Variants in FER observed in about 807,000 individuals in gnomAD.
FER encodes the protein tyrosine-protein kinase Fer.
FER carries 63 observed loss-of-function variants against 111.0 expected under a neutral mutation model. The ratio of observed to expected loss-of-function variants is 0.57; its 90% CI spans 0.46 to 0.70. FER has a LOEUF of 0.70. FER is among the 30% of genes least tolerant of loss of function. The pLI is 0.00. For missense variants in FER, 914 were observed against 954.0 expected (o/e 0.96, Z 0.55); for synonymous variants, 327 against 313.9 (o/e 1.04, Z -0.44).
intron 17 of FER, among the ~76,000 whole-genome samples, chr5:109,141,874 A>C (rs1753559626): frequency 6.6e-6 from 1 of 152,278 alleles, no homozygotes; most frequent in East Asian, 1.9e-4. Flanking sequence ...ATGCCAATGG[A>C]GTGTAGGTTT....
chr5:108,881,786 C>G (rs1030633437), intron 8 of FER, among the ~76,000 whole-genome samples: 33 of 151,964 alleles, frequency 2.2e-4, no homozygotes, highest in African/African-American at 7.7e-4. Flanking sequence ...TATAAGGGCT[C>G]TGATCCCATC....
At chr5:108,845,015 T>C (rs1375741901) in intron 5 of FER, among the ~76,000 whole-genome samples, 20 of 52,548 alleles carry the variant, frequency 3.8e-4, no homozygotes, top group South Asian at 2.0e-3. Flanking sequence ...TATATATATA[T>C]ATATATATAT....
intron 13 of FER, among the ~76,000 whole-genome samples, chr5:109,029,090 C>T (rs1408828700): frequency 6.6e-6 from 1 of 152,130 alleles, no homozygotes; most frequent in African/African-American, 2.4e-5. Flanking sequence ...CAAAGGTGGT[C>T]AAGAGTATAG....
chr5:109,184,413 TG>T (rs1276970535), intron 18 of FER, among the ~76,000 whole-genome samples: 43 of 152,280 alleles, frequency 2.8e-4, no homozygotes, highest in Admixed American at 6.5e-5. Flanking sequence ...GCTATACAAT[TG>T]TAAGTTACTC....
At chr5:109,068,045 A>G (rs1173842066) in intron 16 of FER, among the ~76,000 whole-genome samples, 1 of 152,188 alleles carries the variant, frequency 6.6e-6, no homozygotes, top group Non-Finnish European at 1.5e-5. Context: ...TGATACCTCT[A>G]TATAATTTCC....
At chr5:108,781,745 G>A (rs1754104801) in intron 2 of FER, among the ~76,000 whole-genome samples, 1 of 152,064 alleles carries the variant, frequency 6.6e-6, no homozygotes, top group Non-Finnish European at 1.5e-5. Context: ...TGGCTAGTAT[G>A]GGCTGCAATT....
At chr5:108,837,131 G>A (rs1760750177) in intron 5 of FER, among the ~76,000 whole-genome samples, 1 of 152,116 alleles carries the variant, frequency 6.6e-6, no homozygotes. Flanking sequence ...AGAGAGTCCT[G>A]GATTTAAGTT....
intron 2 of FER, chr5:108,785,091 C>G (rs760002374): frequency 6.8e-5 from 30 of 439,078 alleles, no homozygotes; most frequent in Non-Finnish European, 9.1e-5. Flanking sequence ...AGCAGCAACC[C>G]TATCACTGTC....
chr5:108,925,685 T>G (rs1380496952), intron 10 of FER, among the ~76,000 whole-genome samples: 1 of 152,116 alleles, frequency 6.6e-6, no homozygotes, highest in Non-Finnish European at 1.5e-5. Flanking sequence ...TTCTTTATTT[T>G]GAAGATAGTT....
intron 13 of FER, among the ~76,000 whole-genome samples, chr5:109,011,993 C>CT: frequency 6.6e-6 from 1 of 152,298 alleles, no homozygotes; most frequent in East Asian, 1.9e-4. Flanking sequence ...TTGTGCTTCC[C>CT]TTTTCTCCCC....
At chr5:109,156,902 CAG>C (rs1755458192) in intron 17 of FER, among the ~76,000 whole-genome samples, 1 of 151,856 alleles carries the variant, frequency 6.6e-6, no homozygotes, top group African/African-American at 2.4e-5. Flanking sequence ...GTAATAGAAA[CAG>C]AGAATGGGGT....
intron 17 of FER, among the ~76,000 whole-genome samples, chr5:109,132,810 T>C (rs983562153): frequency 4.6e-5 from 7 of 152,156 alleles, no homozygotes; most frequent in Non-Finnish European, 1.0e-4. Context: ...TGTCACATCA[T>C]CTGAGCCCAA....
intron 10 of FER, among the ~76,000 whole-genome samples, chr5:108,925,974 A>G (rs902591058): frequency 6.6e-6 from 1 of 151,948 alleles, no homozygotes; most frequent in African/African-American, 2.4e-5. Context: ...AGTGACTTGC[A>G]TAACTTAAAT....
intron 9 of FER, among the ~76,000 whole-genome samples, 177 bp from the exon 10 acceptor site, chr5:108,897,482 T>TA (rs1749318420): frequency 6.6e-6 from 1 of 152,220 alleles, no homozygotes; most frequent in Non-Finnish European, 1.5e-5. Flanking sequence ...TATATTTTGT[T>TA]AATGCTAGCA....
chr5:108,890,397 G>A (rs758127016), intron 9 of FER, among the ~76,000 whole-genome samples: 1 of 152,050 alleles, frequency 6.6e-6, no homozygotes. Flanking sequence ...GTGAAAGTAT[G>A]TAATGAGGTG....
intron 16 of FER, among the ~76,000 whole-genome samples, chr5:109,084,009 A>G (rs537478698): frequency 2.4e-4 from 37 of 152,182 alleles, no homozygotes; most frequent in African/African-American, 8.4e-4. Context: ...CTAACAAAGT[A>G]TAATACACAG....
chr5:108,863,373 G>T (rs574119380), intron 5 of FER, among the ~76,000 whole-genome samples: 1 of 152,082 alleles, frequency 6.6e-6, no homozygotes, highest in African/African-American at 2.4e-5. Flanking sequence ...CGCCCGCCTC[G>T]GCCTCTGAAA....
chr5:108,886,921 A>T (rs1392049727), intron 9 of FER, among the ~76,000 whole-genome samples: 1 of 151,766 alleles, frequency 6.6e-6, no homozygotes, highest in Non-Finnish European at 1.5e-5. Flanking sequence ...CTAAACACAT[A>T]GTCTGAAAGG....
chr5:108,835,192 C>CCG lies in FER; in HGVS notation c.382-515_382-514insGC, dbSNP rs1554074783. 1.7e-4 allele frequency among the ~76,000 whole-genome samples: 21 copies of CCG among 121,540 alleles called. 1 individual carries two copies. The highest frequency in any genetic ancestry group is 5.2e-5 in the Non-Finnish European group (3 of 57,262). 79.7% of individuals were successfully genotyped at this position (121,540 alleles called of 152,430 possible). A position where few individuals can be genotyped will look rare whatever the true frequency, so the allele number is the denominator to read the frequency against. Reference sequence around the variant, plus strand: ...ATTTCTTCGTTTGCGCCACCCCCCCCCCCCCACTTTTTTTTTGAGTCAAGT... The same window carrying CCG: ...ATTTCTTCGTTTGCGCCACCCCCCCCCGCCCCCACTTTTTTTTTGAGTCAAGT... On this transcript the variant is annotated intron_variant, in intron 4 of 19. Coordinates refer to ENST00000281092, the MANE Select transcript of FER (RefSeq NM_005246.4).
Sources: allele counts gnomAD v4.1 joint callset (sites outside exome capture counted in the v4.1 genomes callset), GRCh38; gene constraint gnomAD v4.1.1; transcripts MANE v1.5; gene names NCBI Gene and HGNC (gene_info 2026-07-23, HGNC 2026-07-21).